STXBP6: variants seen among roughly 807,000 people sequenced by gnomAD.
STXBP6 encodes the protein syntaxin-binding protein 6.
Under a neutral mutation model 26.9 loss-of-function variants are expected in STXBP6, and 21 were observed. That is an observed-to-expected ratio of 0.78 (90% CI 0.55 to 1.12). STXBP6 has a LOEUF of 1.12. Among genes scored for constraint, STXBP6 ranks in the 50% most tolerant of loss-of-function variants. The pLI is 0.00. For synonymous variants in STXBP6, 97 were observed against 92.6 expected (o/e 1.05, Z -0.27); for missense variants, 232 against 257.9 (o/e 0.90, Z 0.69).
At chr14:24,957,018 C>T (rs2073365823) in intron 2 of STXBP6, among the ~76,000 whole-genome samples, 1 of 152,178 alleles carries the variant, frequency 6.6e-6, no homozygotes, top group South Asian at 2.1e-4. Context: ...CTAGGCTCAG[C>T]ACACTACCAA....
At chr14:25,034,595 G>A (rs2075519128) in intron 1 of STXBP6, among the ~76,000 whole-genome samples, 1 of 152,050 alleles carries the variant, frequency 6.6e-6, no homozygotes, top group Non-Finnish European at 1.5e-5. Flanking sequence ...CTGAACTTAG[G>A]AGTCACATGG....
At chr14:24,941,878 G>A (rs952785398) in intron 2 of STXBP6, among the ~76,000 whole-genome samples, 1 of 152,234 alleles carries the variant, frequency 6.6e-6, no homozygotes, top group African/African-American at 2.4e-5. Flanking sequence ...TAGTTTCTGA[G>A]AGCCTGTGAG....
chr14:24,845,168 G>T (rs570190059), intron 4 of STXBP6, among the ~76,000 whole-genome samples: 1 of 151,930 alleles, frequency 6.6e-6, no homozygotes, highest in East Asian at 1.9e-4. Context: ...TGTGCCACCA[G>T]GCCTGGCTAA....
chr14:24,825,677 G>A (rs1220805657), intron 4 of STXBP6, among the ~76,000 whole-genome samples: 2 of 152,170 alleles, frequency 1.3e-5, no homozygotes, highest in African/African-American at 4.8e-5. Flanking sequence ...GCTAACTAAA[G>A]TCTCAGGAAA....
intron 2 of STXBP6, among the ~76,000 whole-genome samples, chr14:24,947,471 C>T (rs572351462): frequency 3.0e-4 from 45 of 152,290 alleles, no homozygotes; most frequent in Non-Finnish European, 6.0e-4. Flanking sequence ...TTAAGAATGA[C>T]GCGCAAAGAC....
chr14:25,001,695 T>A (rs1027505709), intron 1 of STXBP6, among the ~76,000 whole-genome samples: 1 of 152,258 alleles, frequency 6.6e-6, no homozygotes, highest in African/African-American at 2.4e-5. Flanking sequence ...GTCTGATAAT[T>A]CCAACATCTG....
At chr14:25,035,784 C>T (rs2075539502) in intron 1 of STXBP6, among the ~76,000 whole-genome samples, 1 of 152,028 alleles carries the variant, frequency 6.6e-6, no homozygotes, top group Admixed American at 6.5e-5. Flanking sequence ...TTACCCACGG[C>T]CAAGTACTCT....
intron 4 of STXBP6, among the ~76,000 whole-genome samples, chr14:24,844,929 T>C (rs922085063): frequency 6.6e-6 from 1 of 152,130 alleles, no homozygotes; most frequent in East Asian, 1.9e-4. Context: ...ATGATGATTT[T>C]AGGAGGAGAC....
At chr14:24,886,663 C>T (rs1215932461) in intron 2 of STXBP6, among the ~76,000 whole-genome samples, 1 of 152,204 alleles carries the variant, frequency 6.6e-6, no homozygotes, top group Non-Finnish European at 1.5e-5. Context: ...TAACTATTTA[C>T]ACATTTGCCA....
intron 1 of STXBP6, among the ~76,000 whole-genome samples, chr14:25,030,485 T>C (rs1431166728): frequency 2.0e-5 from 3 of 152,188 alleles, no homozygotes; most frequent in South Asian, 4.2e-4. Context: ...CTCTAAGACC[T>C]TGAGTGGAGG....
intron 5 of STXBP6, among the ~76,000 whole-genome samples, chr14:24,814,799 T>C (rs898766): frequency 0.43 from 66,101 of 151,988 alleles, 15,514 homozygotes; most frequent in African/African-American, 0.63. Context: ...AGTGTCCTTA[T>C]AAAGTGGCTG....
intron 2 of STXBP6, among the ~76,000 whole-genome samples, chr14:24,916,446 G>C (rs577492592): frequency 6.6e-6 from 1 of 152,228 alleles, no homozygotes; most frequent in South Asian, 2.1e-4. Context: ...TTTGGTCTTT[G>C]CAACTGAGTA....
At chr14:24,866,063 G>GA (rs2069707754) in intron 2 of STXBP6, among the ~76,000 whole-genome samples, 1 of 152,298 alleles carries the variant, frequency 6.6e-6, no homozygotes, top group South Asian at 2.1e-4. Flanking sequence ...GTGGTTTGAT[G>GA]AAAGTGACTT....
chr14:24,970,482 T>A (rs1234547435), intron 2 of STXBP6, among the ~76,000 whole-genome samples: 3 of 152,214 alleles, frequency 2.0e-5, no homozygotes, highest in Non-Finnish European at 2.9e-5. Context: ...TCACATAGTA[T>A]ATTGATGCTT....
intron 2 of STXBP6, among the ~76,000 whole-genome samples, chr14:24,916,771 GA>G (rs1428781698): frequency 6.6e-6 from 1 of 152,050 alleles, no homozygotes; most frequent in Non-Finnish European, 1.5e-5. Flanking sequence ...GTGCTTGTTA[GA>G]AATGTGGAAT....
chr14:24,815,041 G>T (rs2045637867), intron 5 of STXBP6, among the ~76,000 whole-genome samples: 1 of 152,170 alleles, frequency 6.6e-6, no homozygotes, highest in African/African-American at 2.4e-5. Flanking sequence ...TTTAGTTTTT[G>T]TTTAAAAATT....
chr14:25,017,162 CAG>C (rs1332907020), intron 1 of STXBP6, among the ~76,000 whole-genome samples: 1 of 152,072 alleles, frequency 6.6e-6, no homozygotes, highest in African/African-American at 2.4e-5. Context: ...GGAAAATAAA[CAG>C]AATGTATTTG....
At chr14:24,840,615 G>A (rs1018659486) in intron 4 of STXBP6, among the ~76,000 whole-genome samples, 1 of 152,170 alleles carries the variant, frequency 6.6e-6, no homozygotes, top group Non-Finnish European at 1.5e-5. Flanking sequence ...ATCTGAGACT[G>A]CAGGTATGAG....
intron 2 of STXBP6, among the ~76,000 whole-genome samples, chr14:24,966,243 T>C (rs187902606): frequency 6.1e-4 from 93 of 152,306 alleles, no homozygotes; most frequent in African/African-American, 1.9e-3. Context: ...AAAACTCTGT[T>C]GGCGTGCTAA....
Sources: allele counts gnomAD v4.1 joint callset (sites outside exome capture counted in the v4.1 genomes callset), GRCh38; gene constraint gnomAD v4.1.1; transcripts MANE v1.5; gene names NCBI Gene and HGNC (gene_info 2026-07-23, HGNC 2026-07-21).